The following TERF2 variants were observed in gnomAD, a reference collection of about 807,000 sequenced individuals.
TERF2 encodes telomeric repeat binding factor 2.
Under a neutral mutation model 56.1 loss-of-function variants are expected in TERF2, and 16 were observed. The ratio of observed to expected loss-of-function variants is 0.29; its 90% CI spans 0.19 to 0.43. The LOEUF is 0.43. Among genes scored for constraint, TERF2 ranks in the 20% least tolerant of loss-of-function variants. The probability of loss-of-function intolerance (pLI) is 1.00; values close to 1 mark genes in which losing one functional copy is unlikely to be tolerated. For missense variants in TERF2, 547 were observed against 712.9 expected (o/e 0.77, Z 2.65); for synonymous variants, 296 against 282.1 (o/e 1.05, Z -0.50).
chr16:69,368,570 C>T, intron 5 of TERF2, 88 bp from the exon 6 acceptor site: 1 of 1,568,664 alleles, frequency 6.4e-7, no homozygotes, highest in Non-Finnish European at 8.6e-7. Context: ...ACTCAATATG[C>T]AAACAAGTTC....
chr16:69,376,654 T>A (rs1029593017), intron 3 of TERF2, among the ~76,000 whole-genome samples: 2 of 147,048 alleles, frequency 1.4e-5, no homozygotes, highest in African/African-American at 5.1e-5. Flanking sequence ...AAGACCAGAC[T>A]GTGCAATATG....
intron 2 of TERF2, 98 bp downstream of exon 2, chr16:69,385,293 T>C (rs980896952): frequency 3.9e-5 from 41 of 1,039,196 alleles, no homozygotes; most frequent in African/African-American, 2.2e-4. Context: ...TGATGGAAAC[T>C]ATCGCACTTT....
chr16:69,376,525 T>C (rs929538656), intron 3 of TERF2, among the ~76,000 whole-genome samples: 2 of 152,092 alleles, frequency 1.3e-5, no homozygotes, highest in African/African-American at 2.4e-5. Flanking sequence ...CCATATGTTT[T>C]AGAATTAGCC....
intron 3 of TERF2, among the ~76,000 whole-genome samples, 199 bp downstream of exon 3, chr16:69,384,381 G>C (rs2014112212): frequency 6.6e-6 from 1 of 152,072 alleles, no homozygotes; most frequent in African/African-American, 2.4e-5. Flanking sequence ...CACAAAAACT[G>C]AGCAACTGCC....
chr16:69,385,693 T>C lies in TERF2; in HGVS notation c.279A>G (p.Ala93=). 5 of 1,606,790 alleles carry C rather than the reference T, an allele frequency of 3.1e-6. No homozygotes were observed. The highest frequency in any genetic ancestry group is 3.4e-6 in the Non-Finnish European group (4 of 1,177,720). ...AGAACTTGAGCACCCAGCGATTGACTGCCTCTTCCAGCCGTGCCTCCCCCG... is the reference window on the plus strand; with the variant it reads ...AGAACTTGAGCACCCAGCGATTGACCGCCTCTTCCAGCCGTGCCTCCCCCG... ...RGAGEARLEE[A]VNRWVLKFYF... The change falls in exon 1 of 10, where the codon GCA becomes GCG. Residue 93 remains alanine (A), a synonymous_variant. Coordinates refer to ENST00000254942, the MANE Select transcript of TERF2 (RefSeq NM_005652.5).
At chr16:69,366,698 C>T (rs2013357953) in intron 7 of TERF2, 109 bp downstream of exon 7, 1 of 1,390,746 alleles carries the variant, frequency 7.2e-7, no homozygotes, top group Admixed American at 2.5e-5. Flanking sequence ...CTGAGCAAGC[C>T]TTGGTGGTGA....
chr16:69,382,285 C>T (rs574047760), intron 3 of TERF2, among the ~76,000 whole-genome samples: 2 of 152,354 alleles, frequency 1.3e-5, no homozygotes, highest in South Asian at 2.1e-4. Context: ...CTTTACAAAG[C>T]TTAAATGCAT....
At chr16:69,384,293 A>G (rs1288653557) in intron 3 of TERF2, among the ~76,000 whole-genome samples, 2 of 152,182 alleles carry the variant, frequency 1.3e-5, no homozygotes, top group Non-Finnish European at 2.9e-5. Flanking sequence ...AGGCCCTTGT[A>G]GAGTGCTCCC....
chr16:69,360,000 G>GA (rs1347667133), intron 8 of TERF2, among the ~76,000 whole-genome samples: 1 of 150,696 alleles, frequency 6.6e-6, no homozygotes, highest in Non-Finnish European at 1.5e-5. Flanking sequence ...TGAGTTCAAG[G>GA]AATCCGCCTG....
rs1223064763 is a variant in TERF2 at position 69,361,492 on chromosome 16, G to A, written c.1341-3C>T. 1.2e-6 allele frequency: 2 copies of A among 1,607,952 alleles called. No homozygotes were observed. The highest frequency in any genetic ancestry group is 1.7e-6 in the Non-Finnish European group (2 of 1,174,576). On this transcript the variant is annotated splice_polypyrimidine_tract_variant and splice_region_variant and intron_variant, in intron 7 of 9. Transcript: ENST00000254942. The stretch of plus-strand genomic sequence containing the variant: ...TGTTCCACTTGCCTTTGGGTACTCT[G>A]AGGGGAGATCAAGGAGAGCACAGGT...
chr16:69,369,270 T>G (rs568844777), intron 5 of TERF2, among the ~76,000 whole-genome samples: 2 of 152,296 alleles, frequency 1.3e-5, no homozygotes, highest in South Asian at 4.1e-4. Context: ...GCTAAGATCA[T>G]GGACACTATC....
chr16:69,376,151 G>T (rs577196740), intron 3 of TERF2, among the ~76,000 whole-genome samples: 1 of 152,244 alleles, frequency 6.6e-6, no homozygotes, highest in Admixed American at 6.5e-5. Context: ...AGGACATAAA[G>T]ATTCCTTCAT....
intron 3 of TERF2, among the ~76,000 whole-genome samples, chr16:69,373,542 C>T (rs1032653565): frequency 2.0e-5 from 3 of 152,124 alleles, no homozygotes; most frequent in African/African-American, 4.8e-5. Flanking sequence ...AAAGGCAAGC[C>T]GACTGGGTGT....
intron 7 of TERF2, among the ~76,000 whole-genome samples, chr16:69,364,174 A>C (rs2013253019): frequency 6.6e-6 from 1 of 152,138 alleles, no homozygotes; most frequent in South Asian, 2.1e-4. Flanking sequence ...TGCTATGTGC[A>C]AGGTGCCGTG....
At chr16:69,373,063 T>A (rs776345229) in intron 3 of TERF2, among the ~76,000 whole-genome samples, 2 of 152,084 alleles carry the variant, frequency 1.3e-5, no homozygotes, top group African/African-American at 4.8e-5. Flanking sequence ...AGGGAGGATA[T>A]ACTGTAGGCG....
In TERF2 at chr16:69,357,522, T is replaced by G; in HGVS notation, c.1466A>C (p.Lys489Thr). Residue 489 changes from lysine to threonine, a missense_variant, in exon 9 of 10, where the codon AAG (lysine) becomes ACG (threonine). Physicochemically the swap from Lys to Thr is moderately conservative, Grantham distance 78. This residue lies in a region of TERF2 where 33 missense variants were observed against 69.9 expected (regional missense o/e 0.47). Transcript: ENST00000254942. The part of the protein sequence containing the change: ...DEDSTTNITK[K>T]QKWTVEESEW... ...GAAAAGAGAATTTTAAATTACCTGC[T>G]TTTTTGTTATATTGGTTGTACTGTC... 1 of 1,612,554 alleles carries G rather than the reference T, an allele frequency of 6.2e-7. No individual in the cohort carries two copies. The highest frequency in any genetic ancestry group is 2.2e-5 in the East Asian group (1 of 44,852).
chr16:69,377,892 C>G (rs2013852622), intron 3 of TERF2, among the ~76,000 whole-genome samples: 1 of 151,822 alleles, frequency 6.6e-6, no homozygotes, highest in South Asian at 2.1e-4. Context: ...CTGCCATCTG[C>G]AAAAAGAAGT....
intron 3 of TERF2, among the ~76,000 whole-genome samples, chr16:69,378,316 C>T (rs2013868585): frequency 6.6e-6 from 1 of 152,174 alleles, no homozygotes; most frequent in African/African-American, 2.4e-5. Context: ...GGAATTTGTT[C>T]CATGTTCTGG....
rs1220883246 is a variant in TERF2, at chr16:69,356,894, T to C, written c.*4A>G. On this transcript the variant is annotated 3_prime_UTR_variant, in exon 10 of 10. Coordinates refer to ENST00000254942, the MANE Select transcript of TERF2 (RefSeq NM_005652.5). ...TGTGAATTCTGTGGAAATGAAAGCC[T>C]GTTTCAGTTCATGCCAAGTCTTTTC... 6 of 1,609,612 alleles carry C rather than the reference T, an allele frequency of 3.7e-6. No individual in the cohort carries two copies. The East Asian group carries it at 1.1e-4, about 30-fold the overall frequency.
Sources: gnomAD v4.1 joint callset for allele counts (sites outside exome capture counted in the v4.1 genomes callset) on GRCh38, gnomAD v4.1.1 for gene constraint, gnomAD v4.1.1 regional missense constraint, MANE v1.5 for transcripts, NCBI Gene and HGNC (gene_info 2026-07-23, HGNC 2026-07-21) for gene names.